TMA16: variants seen among roughly 807,000 people sequenced by gnomAD.
TMA16 encodes translation machinery-associated protein 16.
Under a neutral mutation model 27.1 loss-of-function variants are expected in TMA16, and 26 were observed. The observed-to-expected ratio is 0.96, with a 90% CI of 0.70 to 1.33. The LOEUF is 1.33. Ranked by LOEUF, TMA16 falls within the 40% of genes most tolerant of loss-of-function variation. TMA16 has a pLI of 0.00. For missense variants in TMA16, 233 were observed against 241.4 expected (o/e 0.97, Z 0.23); for synonymous variants, 71 against 81.9 (o/e 0.87, Z 0.72).
chr4:163,505,163 A>C (rs1290809184), intron 1 of TMA16, among the ~76,000 whole-genome samples: 1 of 152,224 alleles, frequency 6.6e-6, no homozygotes, highest in East Asian at 1.9e-4. Flanking sequence ...GGTCCATCTT[A>C]GAGGCAGCCT....
chr4:163,505,082 G>T (rs571300609), intron 1 of TMA16, among the ~76,000 whole-genome samples: 1 of 152,132 alleles, frequency 6.6e-6, no homozygotes, highest in Admixed American at 6.5e-5. Context: ...AAAGTGAGTC[G>T]GTAGGTCCAG....
chr4:163,498,638 G>A (rs962513463), intron 1 of TMA16, among the ~76,000 whole-genome samples: 1 of 152,090 alleles, frequency 6.6e-6, no homozygotes, highest in African/African-American at 2.4e-5. Flanking sequence ...ATCTTGATGG[G>A]TACTATCTTT....
In TMA16 at chr4:163,519,751, A is replaced by ATCTGAATT; in HGVS notation, c.*240_*247dup. On this transcript the variant is annotated 3_prime_UTR_variant, in exon 7 of 7. Transcript: ENST00000358572. ...GATCTGCAGAAGTTGTTTAGTCTTC[A>ATCTGAATT]TCTGAATTTCAGGCTGGGAGGGAGC... 1 of 520,410 alleles carries ATCTGAATT rather than the reference A, an allele frequency of 1.9e-6. No homozygotes were observed. The highest frequency in any genetic ancestry group is 2.6e-5 in the South Asian group (1 of 38,434). 32.2% of individuals were successfully genotyped at this position (520,410 alleles called of 1,614,324 possible).
chr4:163,498,534 G>A (rs1043053973), intron 1 of TMA16, among the ~76,000 whole-genome samples: 4 of 152,150 alleles, frequency 2.6e-5, no homozygotes, highest in Non-Finnish European at 4.4e-5. Flanking sequence ...TGATCTGCCC[G>A]CCTCGGCCTC....
intron 5 of TMA16, chr4:163,516,991 G>GGTTTT (rs1311793441): frequency 1.3e-5 from 2 of 156,906 alleles, no homozygotes; most frequent in African/African-American, 4.8e-5. Context: ...TAATAGCTTT[G>GGTTTT]GTTTTGTTTT....
At chr4:163,501,676 C>T (rs2110792571) in intron 1 of TMA16, among the ~76,000 whole-genome samples, 1 of 152,262 alleles carries the variant, frequency 6.6e-6, no homozygotes, top group Non-Finnish European at 1.5e-5. Flanking sequence ...GGATCAAAAT[C>T]TGTACTTAAC....
intron 1 of TMA16, among the ~76,000 whole-genome samples, chr4:163,506,722 A>C (rs912306662): frequency 5.3e-5 from 8 of 152,096 alleles, no homozygotes; most frequent in Admixed American, 4.6e-4. Flanking sequence ...TCTCCTCACT[A>C]TCTGTAGTCC....
chr4:163,514,174 A>C lies in TMA16; in HGVS notation c.239+16A>C. 6.3e-7 allele frequency: 1 copy of C among 1,583,528 alleles called. No homozygotes were observed. Among genetic ancestry groups the C allele is most frequent in the African/African-American group, 1.4e-5 (1 of 73,826 alleles). ...TAATTGAAAGGTAAACACTGGGCAT[A>C]TTATGAGCAAAGGGTCAGAAAAGGG... On this transcript the variant is annotated intron_variant, in intron 4 of 6. Transcript: ENST00000358572.
At chr4:163,497,568 G>A (rs1372000857) in intron 1 of TMA16, among the ~76,000 whole-genome samples, 1 of 152,030 alleles carries the variant, frequency 6.6e-6, no homozygotes, top group East Asian at 1.9e-4. Context: ...TCTGTTTCTA[G>A]AGGTCATCTA....
At chr4:163,517,201 C>T in intron 5 of TMA16, 1 of 498,460 alleles carries the variant, frequency 2.0e-6, no homozygotes, top group South Asian at 2.2e-5. Flanking sequence ...CGCGCCTGGC[C>T]TAATAGCTTT....
chr4:163,514,414 G>T (rs912339020), intron 4 of TMA16, among the ~76,000 whole-genome samples: 1 of 152,162 alleles, frequency 6.6e-6, no homozygotes, highest in Non-Finnish European at 1.5e-5. Context: ...AAAGGTGGGG[G>T]TTAGCAGATC....
chr4:163,508,363 C>A (rs1358370398), intron 2 of TMA16, among the ~76,000 whole-genome samples: 1 of 152,176 alleles, frequency 6.6e-6, no homozygotes, highest in Non-Finnish European at 1.5e-5. Flanking sequence ...AATGCTGGTG[C>A]TGTTGCTGCT....
rs911034714 is a variant in TMA16, at chr4:163,507,166, T to C, written c.116+21T>C. 4 of 1,544,972 alleles carry C rather than the reference T, an allele frequency of 2.6e-6. No homozygotes were observed. The African/African-American group carries it at 5.5e-5, about 21-fold the overall frequency. Reference sequence around the variant, plus strand: ...GAAAAGTAAGTATCTTTTCATCATTTGTATTACTCGTTGGTAAAAAGCCCC... The same window carrying C: ...GAAAAGTAAGTATCTTTTCATCATTCGTATTACTCGTTGGTAAAAAGCCCC... On this transcript the variant is annotated intron_variant, in intron 2 of 6. Coordinates refer to ENST00000358572, the MANE Select transcript of TMA16 (RefSeq NM_018352.3).
intron 1 of TMA16, 31 bp downstream of exon 1, chr4:163,494,835 C>T (rs1737524707): frequency 2.5e-6 from 4 of 1,610,308 alleles, no homozygotes; most frequent in Non-Finnish European, 3.4e-6. Flanking sequence ...CCGAACCGCT[C>T]GGTTGGTTCC....
At chr4:163,504,090 T>C (rs1397115528) in intron 1 of TMA16, among the ~76,000 whole-genome samples, 2 of 152,232 alleles carry the variant, frequency 1.3e-5, no homozygotes, top group Admixed American at 6.5e-5. Context: ...TTTTTGAGTC[T>C]TTAAAGGACA....
At chr4:163,500,888 T>C (rs759868513) in intron 1 of TMA16, among the ~76,000 whole-genome samples, 1 of 152,232 alleles carries the variant, frequency 6.6e-6, no homozygotes, top group Non-Finnish European at 1.5e-5. Flanking sequence ...GCTGTATGCC[T>C]GTACTATGTG....
At chr4:163,511,591 G>A (rs776952199) in intron 2 of TMA16, among the ~76,000 whole-genome samples, 14 of 151,610 alleles carry the variant, frequency 9.2e-5, no homozygotes, top group Non-Finnish European at 1.9e-4. Context: ...TGAGAGGACC[G>A]CTTGAGGCCA....
Position 163,499,691 on chromosome 4 carries a change from G to A in TMA16, c.3+4887G>A, listed in dbSNP as rs908573274. ...TAACCATACCTATTACAATGTAAAC[G>A]CTGTATAGTGATTATATTGTTTTTT... On this transcript the variant is annotated intron_variant, in intron 1 of 6. Transcript: ENST00000358572. 3.3e-5 allele frequency among the ~76,000 whole-genome samples: 5 copies of A among 151,680 alleles called. No homozygotes were observed. In the East Asian group the frequency reaches 5.8e-4, roughly 18 times the overall value.
At chr4:163,500,349 T>C (rs1315836874) in intron 1 of TMA16, among the ~76,000 whole-genome samples, 1 of 151,950 alleles carries the variant, frequency 6.6e-6, no homozygotes, top group Non-Finnish European at 1.5e-5. Context: ...TAGCTGGGAT[T>C]ATAAGCGTGC....
Sources: gnomAD v4.1 joint callset for allele counts (sites outside exome capture counted in the v4.1 genomes callset) on GRCh38, gnomAD v4.1.1 for gene constraint, MANE v1.5 for transcripts, NCBI Gene and HGNC (gene_info 2026-07-23, HGNC 2026-07-21) for gene names.